The following LRP1B variants were observed in gnomAD, a reference collection of about 807,000 sequenced individuals.
LRP1B encodes the protein LDL receptor related protein 1B.
Under a neutral mutation model 556.6 loss-of-function variants are expected in LRP1B, and 217 were observed. The ratio of observed to expected loss-of-function variants is 0.39; its 90% CI spans 0.35 to 0.44. The LOEUF (loss-of-function observed/expected upper bound fraction) is 0.44, where lower values mean the gene tolerates loss of function less well. Ranked by LOEUF, LRP1B falls within the 20% of genes least tolerant of loss-of-function variation. LRP1B has a pLI of 1.00. For synonymous variants in LRP1B, 2,047 were observed against 1,865.8 expected (o/e 1.10, Z -2.50); for missense variants, 5,053 against 5,620.8 (o/e 0.90, Z 3.23).
intron 84 of LRP1B, among the ~76,000 whole-genome samples, chr2:140,277,984 C>T (rs1272807148): frequency 1.3e-5 from 2 of 151,506 alleles, no homozygotes; most frequent in African/African-American, 4.9e-5. Context: ...AAATGTCTGT[C>T]CCAAGAATGG....
chr2:141,396,305 T>C (rs889200632), intron 3 of LRP1B, among the ~76,000 whole-genome samples: 10 of 152,194 alleles, frequency 6.6e-5, no homozygotes, highest in African/African-American at 2.2e-4. Flanking sequence ...TGAAAAAGAA[T>C]ACATTGTTGT....
At position 141,703,462 on chromosome 2, in the gene LRP1B, A is replaced by C. The variant is rs6731633; in HGVS notation, c.205+106817T>G. 1.3e-3 allele frequency among the ~76,000 whole-genome samples: 191 copies of C among 152,094 alleles called. 1 individual carries two copies. The highest frequency in any genetic ancestry group is 4.4e-3 in the African/African-American group (182 of 41,544). On this transcript the variant is annotated intron_variant, in intron 2 of 90. Coordinates refer to ENST00000389484, the MANE Select transcript of LRP1B (RefSeq NM_018557.3). ...TAATTCTCTTTCTTATGAAATTAAA[A>C]GCTTTCACAAGAACATCATTCATCT... is the stretch of plus-strand genomic sequence containing the variant.
intron 19 of LRP1B, 40 bp from the exon 20 acceptor site, chr2:140,950,442 C>G (rs201115178): frequency 1.3e-6 from 2 of 1,515,650 alleles, no homozygotes; most frequent in Non-Finnish European, 1.8e-6. Flanking sequence ...AAATCTGAAC[C>G]ATGAAGAAAT....
chr2:141,304,998 A>G (rs1009579542), intron 3 of LRP1B, among the ~76,000 whole-genome samples: 3 of 152,258 alleles, frequency 2.0e-5, no homozygotes, highest in South Asian at 2.1e-4. Flanking sequence ...GTTAATTACT[A>G]TATTTTGAAG....
intron 1 of LRP1B, among the ~76,000 whole-genome samples, chr2:142,050,035 T>C (rs1469081197): frequency 1.3e-5 from 2 of 152,170 alleles, no homozygotes; most frequent in Non-Finnish European, 2.9e-5. Context: ...ACTCTGCTTT[T>C]CAATTTGGAC....
intron 1 of LRP1B, among the ~76,000 whole-genome samples, chr2:142,020,324 TCA>T (rs1164994880): frequency 6.6e-6 from 1 of 152,152 alleles, no homozygotes; most frequent in African/African-American, 2.4e-5. Context: ...TCTAGGTCCC[TCA>T]GACCCCGGAG....
At chr2:141,568,499 G>A (rs1020881333) in intron 2 of LRP1B, among the ~76,000 whole-genome samples, 1 of 151,026 alleles carries the variant, frequency 6.6e-6, no homozygotes, top group African/African-American at 2.4e-5. Flanking sequence ...TGAAGACTCT[G>A]ATAGTATATC....
chr2:141,668,535 G>A (rs924489151), intron 2 of LRP1B, among the ~76,000 whole-genome samples: 1 of 152,170 alleles, frequency 6.6e-6, no homozygotes, highest in Admixed American at 6.5e-5. Context: ...ACATCGAGAG[G>A]AGTGTGACTG....
At chr2:140,362,222 C>T (rs1007727590) in intron 72 of LRP1B, among the ~76,000 whole-genome samples, 2 of 151,588 alleles carry the variant, frequency 1.3e-5, no homozygotes, top group African/African-American at 4.8e-5. Flanking sequence ...TGACCATGGA[C>T]CTCCTCTGCT....
rs1465027723 is a variant in LRP1B, at chr2:142,030,086, GC to G, written c.82+100561del. On this transcript the variant is annotated intron_variant, in intron 1 of 90. Transcript: ENST00000389484. ...GCTTGTATATTTGTGGTTAATATTTGCATTTTAATGCATCTATATGGTGATC... is the reference window on the plus strand; with the variant it reads ...GCTTGTATATTTGTGGTTAATATTTGATTTTAATGCATCTATATGGTGATC... Among the ~76,000 whole-genome samples the G allele has an allele frequency of 2.0e-5, 3 of 150,138 alleles. 1 individual carries two copies. Among genetic ancestry groups the G allele is most frequent in the African/African-American group, 7.3e-5 (3 of 40,960 alleles).
intron 20 of LRP1B, among the ~76,000 whole-genome samples, chr2:140,940,402 A>G (rs1695363508): frequency 6.6e-6 from 1 of 152,156 alleles, no homozygotes; most frequent in South Asian, 2.1e-4. Flanking sequence ...TTTATATTTG[A>G]TATTTAATAG....
chr2:140,848,566 C>T (rs553979720), intron 29 of LRP1B, among the ~76,000 whole-genome samples: 33 of 152,288 alleles, frequency 2.2e-4, no homozygotes, highest in Admixed American at 3.3e-4. Context: ...TTCATTATGA[C>T]ATTTACCATT....
At chr2:141,034,873 C>T (rs1256007653) in intron 11 of LRP1B, among the ~76,000 whole-genome samples, 10 of 150,368 alleles carry the variant, frequency 6.7e-5, no homozygotes, top group African/African-American at 1.7e-4. Flanking sequence ...ACCCAAAGGA[C>T]TATGATTCAT....
chr2:141,757,648 C>T (rs957453930), intron 2 of LRP1B, among the ~76,000 whole-genome samples: 11 of 152,178 alleles, frequency 7.2e-5, no homozygotes, highest in African/African-American at 2.7e-4. Context: ...AAACTCCTGC[C>T]TCAATCTCCC....
At chr2:140,762,645 A>T (rs1045144394) in intron 35 of LRP1B, among the ~76,000 whole-genome samples, 3 of 152,132 alleles carry the variant, frequency 2.0e-5, no homozygotes, top group Non-Finnish European at 4.4e-5. Flanking sequence ...TTTGAAAATG[A>T]TCCACTTACT....
intron 35 of LRP1B, among the ~76,000 whole-genome samples, chr2:140,752,250 C>T (rs1006747636): frequency 2.7e-5 from 4 of 150,844 alleles, no homozygotes; most frequent in Admixed American, 6.6e-5. Context: ...AACAAACAAA[C>T]AAAACACTTA....
chr2:142,011,159 G>A (rs916464429), intron 1 of LRP1B, among the ~76,000 whole-genome samples: 3 of 152,146 alleles, frequency 2.0e-5, no homozygotes, highest in African/African-American at 7.2e-5. Flanking sequence ...GAAATCTTTG[G>A]GGAAAGACTA....
intron 49 of LRP1B, among the ~76,000 whole-genome samples, chr2:140,517,956 G>A (rs766283917): frequency 8.6e-5 from 13 of 151,884 alleles, no homozygotes; most frequent in Admixed American, 6.6e-4. Context: ...TGATCCTCCC[G>A]CCTCGGCCTC....
intron 66 of LRP1B, among the ~76,000 whole-genome samples, chr2:140,405,572 A>G (rs1213856327): frequency 1.3e-5 from 2 of 152,072 alleles, no homozygotes; most frequent in Non-Finnish European, 1.5e-5. Flanking sequence ...TTATGAATAC[A>G]TTTATGCATA....
Sources: gnomAD v4.1 joint callset for allele counts (sites outside exome capture counted in the v4.1 genomes callset) on GRCh38, gnomAD v4.1.1 for gene constraint, MANE v1.5 for transcripts, NCBI Gene and HGNC (gene_info 2026-07-23, HGNC 2026-07-21) for gene names.